The following KLHL28 variants were observed in gnomAD, a reference collection of about 807,000 sequenced individuals.
The protein encoded by KLHL28 is kelch like family member 28.
In KLHL28, 22 loss-of-function variants were observed where a neutral mutation model predicts 48.3. The observed-to-expected ratio is 0.46, with a 90% CI of 0.33 to 0.65. The LOEUF is 0.65. Among genes scored for constraint, KLHL28 ranks in the 30% least tolerant of loss-of-function variants. KLHL28 has a pLI of 0.03. For synonymous variants in KLHL28, 243 were observed against 242.4 expected, an observed-to-expected ratio of 1.00 and a Z score of -0.02; for missense variants, 527 against 704.3, an observed-to-expected ratio of 0.75 and a Z score of 2.85.
chr14:44,937,626 T>G (rs1281762251), intron 2 of KLHL28, among the ~76,000 whole-genome samples: 1 of 152,248 alleles, frequency 6.6e-6, no homozygotes, highest in Non-Finnish European at 1.5e-5. Flanking sequence ...TTAGTCCTTA[T>G]GGTCTTTTGA....
intron 1 of KLHL28, among the ~76,000 whole-genome samples, chr14:44,947,457 T>G (rs1884386986): frequency 6.6e-6 from 1 of 152,206 alleles, no homozygotes; most frequent in African/African-American, 2.4e-5. Context: ...CCTTAAGAAT[T>G]AATACATGGA....
chr14:44,937,300 C>T (rs1403962820), intron 2 of KLHL28, among the ~76,000 whole-genome samples: 1 of 151,890 alleles, frequency 6.6e-6, no homozygotes, highest in East Asian at 2.0e-4. Context: ...CATGCACCAC[C>T]ACCCTCAGCT....
chr14:44,945,881 C>T lies in KLHL28; in HGVS notation c.48G>A (p.Leu16=), dbSNP rs1256373679. 4 of 1,614,034 alleles carry T rather than the reference C, an allele frequency of 2.5e-6. No homozygotes were observed. Among genetic ancestry groups the T allele is most frequent in the Non-Finnish European group, 3.4e-6 (4 of 1,179,952 alleles). The change falls in exon 2 of 5, where the codon TTG becomes TTA. Residue 16 remains leucine (L), a synonymous_variant. Transcript: ENST00000396128. The part of the protein sequence containing the change: ...PTYMLANLTH[L]HSEQLLQGLN... ...AGCCCTGCAGAAGTTGTTCAGAATG[C>T]AAGTGGGTTAAGTTAGCAAGCATGT...
At chr14:44,956,590 T>G (rs917397455) in intron 1 of KLHL28, among the ~76,000 whole-genome samples, 1 of 152,144 alleles carries the variant, frequency 6.6e-6, no homozygotes, top group African/African-American at 2.4e-5. Flanking sequence ...ACATACCGAC[T>G]GTGAAAAATC....
chr14:44,960,798 C>A (rs1885030339), intron 1 of KLHL28: 1 of 396,014 alleles, frequency 2.5e-6, no homozygotes, highest in Non-Finnish European at 4.1e-6. Context: ...TTTGCACTTG[C>A]ATCAGCTGGG....
chr14:44,956,674 C>T (rs1275221918), intron 1 of KLHL28, among the ~76,000 whole-genome samples: 5 of 152,152 alleles, frequency 3.3e-5, no homozygotes, highest in South Asian at 2.1e-4. Context: ...ATTTAAAAGA[C>T]GTATCAATCA....
At chr14:44,944,960 T>C (rs1341398080) in intron 2 of KLHL28, 70 bp downstream of exon 2, 18 of 1,126,956 alleles carry the variant, frequency 1.6e-5, no homozygotes, top group Non-Finnish European at 2.1e-5. Context: ...TTTTAAAATA[T>C]AGAAAATCTG....
chr14:44,959,875 G>C (rs2041049168), intron 1 of KLHL28, among the ~76,000 whole-genome samples: 1 of 151,616 alleles, frequency 6.6e-6, no homozygotes, highest in South Asian at 2.1e-4. Flanking sequence ...AATACAAAAG[G>C]CTTTTTAAGT....
chr14:44,949,417 A>T (rs937790950), intron 1 of KLHL28, among the ~76,000 whole-genome samples: 7 of 152,248 alleles, frequency 4.6e-5, no homozygotes, highest in African/African-American at 1.7e-4. Flanking sequence ...ATTAGTAAAT[A>T]ATTTTATAAT....
chr14:44,953,886 G>A lies in KLHL28; in HGVS notation c.1-7958C>T, dbSNP rs189590489. On this transcript the variant is annotated intron_variant, in intron 1 of 4. Coordinates refer to ENST00000396128, the MANE Select transcript of KLHL28 (RefSeq NM_017658.5). ...AAACTGATTACATTTTAAAAACTTG[G>A]AATAAAGAAATCGTAAGTAAAAATA... Among the ~76,000 whole-genome samples, 4 of 151,986 alleles carry A rather than the reference G, an allele frequency of 2.6e-5. No homozygotes were observed. The East Asian group carries it at 7.7e-4, about 29-fold the overall frequency.
chr14:44,950,746 T>C (rs1298007156), intron 1 of KLHL28, among the ~76,000 whole-genome samples: 1 of 152,230 alleles, frequency 6.6e-6, no homozygotes, highest in Non-Finnish European at 1.5e-5. Flanking sequence ...GTTGTAAATA[T>C]GCCTTTCTAT....
Position 44,961,914 on chromosome 14 carries a change from T to A in KLHL28, c.-69A>T, listed in dbSNP as rs947325138. 1.3e-5 allele frequency: 2 copies of A among 153,112 alleles called. No individual in the cohort carries two copies. The highest frequency in any genetic ancestry group is 1.9e-4 in the East Asian group (1 of 5,194). 9.5% of individuals were successfully genotyped at this position (153,112 alleles called of 1,614,324 possible). On this transcript the variant is annotated 5_prime_UTR_variant, in exon 1 of 5. Transcript: ENST00000396128. ...GCGGACAACTGGAGCCTGGGCTGGA[T>A]CCTCACTAGCTCCGGTCAAACCCTA...
intron 2 of KLHL28, among the ~76,000 whole-genome samples, chr14:44,941,300 T>C (rs749637128): frequency 2.0e-5 from 3 of 152,146 alleles, no homozygotes; most frequent in Non-Finnish European, 2.9e-5. Context: ...CTAGGCCCAC[T>C]GTAATGTATC....
At chr14:44,936,820 G>A (rs1422929159) in intron 2 of KLHL28, among the ~76,000 whole-genome samples, 1 of 152,196 alleles carries the variant, frequency 6.6e-6, no homozygotes, top group African/African-American at 2.4e-5. Context: ...TCGAATCTAA[G>A]CTAGGCAAGA....
chr14:44,958,107 A>G (rs75015514), intron 1 of KLHL28, among the ~76,000 whole-genome samples: 1,575 of 150,960 alleles, frequency 0.01, 13 homozygotes, highest in Non-Finnish European at 0.017. Flanking sequence ...AAAACAAACA[A>G]TAGTATTCTG....
At position 44,925,546 on chromosome 14, in the gene KLHL28, C is replaced by T. The variant is rs749838883; in HGVS notation, c.*3482G>A. 3.3e-5 allele frequency: 5 copies of T among 152,038 alleles called. No homozygotes were observed. The South Asian group carries it at 1.0e-3, about 32-fold the overall frequency. 9.4% of individuals were successfully genotyped at this position (152,038 alleles called of 1,614,324 possible). ...GTCAGAGATAAGGAATTAGATTCATCCTTCACCAAAATAGTTATTAGGGTC... is the reference window on the plus strand; with the variant it reads ...GTCAGAGATAAGGAATTAGATTCATTCTTCACCAAAATAGTTATTAGGGTC... On this transcript the variant is annotated 3_prime_UTR_variant, in exon 5 of 5. Transcript: ENST00000396128.
intron 2 of KLHL28, among the ~76,000 whole-genome samples, chr14:44,936,748 C>T (rs1200995469): frequency 2.0e-5 from 3 of 152,028 alleles, no homozygotes; most frequent in South Asian, 2.1e-4. Context: ...ATGAGTATGA[C>T]GGAGGAACAG....
At chr14:44,940,699 GTC>G (rs1360949101) in intron 2 of KLHL28, among the ~76,000 whole-genome samples, 3 of 152,142 alleles carry the variant, frequency 2.0e-5, no homozygotes, top group African/African-American at 4.8e-5. Flanking sequence ...GGCATAAAGA[GTC>G]TCTCTTTCTC....
chr14:44,946,422 C>T (rs1307438569), intron 1 of KLHL28, among the ~76,000 whole-genome samples: 1 of 152,032 alleles, frequency 6.6e-6, no homozygotes, highest in African/African-American at 2.4e-5. Flanking sequence ...ATTGCTTTGA[C>T]AGAGGGTGCT....
Sources: allele counts gnomAD v4.1 joint callset (sites outside exome capture counted in the v4.1 genomes callset), GRCh38; gene constraint gnomAD v4.1.1; transcripts MANE v1.5; gene names NCBI Gene and HGNC (gene_info 2026-07-23, HGNC 2026-07-21).